The following OPCML variants were observed in gnomAD, a reference collection of about 807,000 sequenced individuals.
OPCML encodes opioid-binding protein/cell adhesion molecule.
A neutral mutation model predicts 37.8 loss-of-function variants in OPCML; 13 were observed. That is an observed-to-expected ratio of 0.34 (90% CI 0.22 to 0.55). The LOEUF (loss-of-function observed/expected upper bound fraction) is 0.55, where lower values mean the gene tolerates loss of function less well. OPCML is among the 20% of genes least tolerant of loss of function. OPCML has a pLI of 0.91. For missense variants in OPCML, 341 were observed against 435.6 expected, an observed-to-expected ratio of 0.78 and a Z score of 1.93; for synonymous variants, 176 against 168.8, an observed-to-expected ratio of 1.04 and a Z score of -0.33.
intron 1 of OPCML, among the ~76,000 whole-genome samples, chr11:133,528,631 G>A (rs983736145): frequency 2.6e-5 from 4 of 152,210 alleles, no homozygotes; most frequent in Non-Finnish European, 4.4e-5. Flanking sequence ...GCAGGAAGGT[G>A]TGTGCTAGAG....
intron 2 of OPCML, among the ~76,000 whole-genome samples, chr11:132,732,848 C>A (rs371585070): frequency 2.1e-4 from 32 of 152,106 alleles, no homozygotes; most frequent in African/African-American, 7.5e-4. Context: ...GTGACCACTA[C>A]GGAAGAAGCC....
intron 1 of OPCML, among the ~76,000 whole-genome samples, chr11:133,150,024 C>T (rs1396344360): frequency 6.6e-6 from 1 of 152,198 alleles, no homozygotes; most frequent in Non-Finnish European, 1.5e-5. Context: ...CAGCCAGCAT[C>T]CCTTGATTAA....
intron 2 of OPCML, among the ~76,000 whole-genome samples, chr11:132,692,736 G>A (rs1410327087): frequency 1.6e-4 from 24 of 152,162 alleles, no homozygotes; most frequent in Admixed American, 1.5e-3. Flanking sequence ...AATGTTTACT[G>A]AATAATAATT....
intron 1 of OPCML, among the ~76,000 whole-genome samples, chr11:133,082,255 C>G (rs951853494): frequency 1.3e-5 from 2 of 151,680 alleles, no homozygotes; most frequent in South Asian, 2.1e-4. Context: ...CCCCTGGAAG[C>G]CACCAGCTCC....
chr11:132,749,108 T>C (rs982276471), intron 2 of OPCML, among the ~76,000 whole-genome samples: 1 of 152,126 alleles, frequency 6.6e-6, no homozygotes, highest in Non-Finnish European at 1.5e-5. Flanking sequence ...TGTGTCCTTA[T>C]AAAAGAGACC....
rs1327837980 is a variant in OPCML, at chr11:132,426,341, C to A, written c.917-6048G>T. On this transcript the variant is annotated intron_variant, in intron 7 of 7. Transcript: ENST00000524381. ...AGCTCAGCAGGGGTAAGACACATAGCAACAACAACAACAAAAATGAACAAA... is the reference window on the plus strand; with the variant it reads ...AGCTCAGCAGGGGTAAGACACATAGAAACAACAACAACAAAAATGAACAAA... Among the ~76,000 whole-genome samples, 3 of 146,784 alleles carry A rather than the reference C, an allele frequency of 2.0e-5. No homozygotes were observed. The Admixed American group carries it at 2.2e-4, about 11-fold the overall frequency.
intron 1 of OPCML, among the ~76,000 whole-genome samples, chr11:133,253,208 G>T (rs1432817312): frequency 6.6e-6 from 1 of 151,994 alleles, no homozygotes; most frequent in African/African-American, 2.4e-5. Context: ...GCAGGCCTTG[G>T]AATCAGAGCT....
chr11:133,127,270 C>A (rs1949531380), intron 1 of OPCML, among the ~76,000 whole-genome samples: 1 of 152,102 alleles, frequency 6.6e-6, no homozygotes, highest in African/African-American at 2.4e-5. Flanking sequence ...GTATATCTGT[C>A]AAATGATGAT....
intron 1 of OPCML, among the ~76,000 whole-genome samples, chr11:133,083,810 G>A (rs1043292765): frequency 3.9e-5 from 6 of 152,232 alleles, no homozygotes; most frequent in Non-Finnish European, 7.3e-5. Context: ...AGGACAGGAA[G>A]GATTCGCTGC....
At chr11:133,246,645 T>G (rs1324182776) in intron 1 of OPCML, among the ~76,000 whole-genome samples, 2 of 152,286 alleles carry the variant, frequency 1.3e-5, no homozygotes, top group Non-Finnish European at 2.9e-5. Context: ...AAACTCAAGC[T>G]CAATGTGGAT....
At chr11:132,557,822 G>T (rs1416299491) in intron 3 of OPCML, among the ~76,000 whole-genome samples, 1 of 152,160 alleles carries the variant, frequency 6.6e-6, no homozygotes, top group Non-Finnish European at 1.5e-5. Context: ...GGGGTGGATG[G>T]GCACCAGGAG....
At chr11:132,745,563 C>CAAAAAAAAAAAAAAAAAAAA (rs10562857) in intron 2 of OPCML, among the ~76,000 whole-genome samples, 2 of 102,976 alleles carry the variant, frequency 1.9e-5, no homozygotes, top group Non-Finnish European at 1.9e-5. Context: ...TGCTGTCTTG[C>CAAAAAAAAAAAAAAAAAAAA]AAAAAAAAAA....
chr11:133,316,593 C>T (rs1943210637), intron 1 of OPCML, among the ~76,000 whole-genome samples: 1 of 152,118 alleles, frequency 6.6e-6, no homozygotes, highest in Non-Finnish European at 1.5e-5. Context: ...AACAAACCTG[C>T]ACATTCTGCA....
At chr11:132,907,641 A>AG (rs1160016619) in intron 2 of OPCML, among the ~76,000 whole-genome samples, 1 of 151,896 alleles carries the variant, frequency 6.6e-6, no homozygotes, top group Non-Finnish European at 1.5e-5. Flanking sequence ...AAAAAAAAAA[A>AG]AAGAAGAAGA....
intron 2 of OPCML, among the ~76,000 whole-genome samples, chr11:132,727,170 A>G (rs1295740500): frequency 1.3e-5 from 2 of 152,174 alleles, no homozygotes; most frequent in South Asian, 2.1e-4. Flanking sequence ...TGCTATGAAG[A>G]GTTCTGTTTT....
chr11:132,813,184 AG>A (rs1939444872), intron 2 of OPCML, among the ~76,000 whole-genome samples: 1 of 152,084 alleles, frequency 6.6e-6, no homozygotes, highest in South Asian at 2.1e-4. Flanking sequence ...TGATATCTTC[AG>A]GATATCCTGG....
chr11:132,803,166 G>A (rs1248749188), intron 2 of OPCML, among the ~76,000 whole-genome samples: 1 of 152,084 alleles, frequency 6.6e-6, no homozygotes, highest in African/African-American at 2.4e-5. Flanking sequence ...GCCATTAGCA[G>A]CTCCCTCTCT....
chr11:133,014,436 G>T (rs556522171), intron 1 of OPCML, among the ~76,000 whole-genome samples: 1 of 152,090 alleles, frequency 6.6e-6, no homozygotes, highest in South Asian at 2.1e-4. Context: ...TTCTGTGCCT[G>T]CTGCTTCTAC....
At chr11:133,160,314 G>A (rs1409686206) in intron 1 of OPCML, among the ~76,000 whole-genome samples, 1 of 152,088 alleles carries the variant, frequency 6.6e-6, no homozygotes, top group East Asian at 1.9e-4. Flanking sequence ...AATAATAATT[G>A]AGCACTTACT....
Sources: allele counts gnomAD v4.1 joint callset (sites outside exome capture counted in the v4.1 genomes callset), GRCh38; gene constraint gnomAD v4.1.1; transcripts MANE v1.5; gene names NCBI Gene and HGNC (gene_info 2026-07-23, HGNC 2026-07-21).